Variants in LAMA2 observed in about 807,000 individuals in gnomAD.
LAMA2 encodes laminin subunit alpha-2.
In LAMA2, 269 loss-of-function variants were observed where a neutral mutation model predicts 364.8. That is an observed-to-expected ratio of 0.74 (90% CI 0.67 to 0.82). The LOEUF (loss-of-function observed/expected upper bound fraction) is 0.82. Ranked by LOEUF, LAMA2 falls within the 40% of genes least tolerant of loss-of-function variation. LAMA2 has a pLI of 0.00. For synonymous variants in LAMA2, 1,379 were observed against 1,370.6 expected, an observed-to-expected ratio of 1.01 and a Z score of -0.14; for missense variants, 3,807 against 3,873.2, an observed-to-expected ratio of 0.98 and a Z score of 0.45.
intron 12 of LAMA2, among the ~76,000 whole-genome samples, chr6:129,216,503 A>T (rs562610576): frequency 2.0e-3 from 303 of 152,328 alleles, no homozygotes; most frequent in African/African-American, 6.8e-3. Context: ...AGTAAGTATT[A>T]ATTAATGGTT....
rs772599657 is a variant in LAMA2, at chr6:129,330,599, T to TTTG, written c.4311+2189_4311+2190insGTT. On this transcript the variant is annotated intron_variant, in intron 29 of 64. Coordinates refer to ENST00000421865, the MANE Select transcript of LAMA2 (RefSeq NM_000426.4). Reference sequence around the variant, plus strand: ...TTTTTTTGTTGTTGTTTGGTTTTTGTTTTTTTTTTTTTTTTTCCCACTGTG... The same window carrying TTTG: ...TTTTTTTGTTGTTGTTTGGTTTTTGTTTGTTTTTTTTTTTTTTTTCCCACTGTG... 0.012 allele frequency among the ~76,000 whole-genome samples: 703 copies of TTTG among 58,242 alleles called. 12 individuals carry two copies. The East Asian group carries it at 0.13, about 11-fold the overall frequency. The allele number at this position is 58,242 out of a possible 152,430, so 38.2% of individuals were successfully genotyped here. A position where few individuals can be genotyped will look rare whatever the true frequency, so the allele number is the denominator to read the frequency against.
chr6:129,315,533 A>G lies in LAMA2; in HGVS notation c.3613A>G (p.Thr1205Ala), dbSNP rs35889149. The stretch of plus-strand genomic sequence containing the variant: ...CCTGGTAGATGAGGCTCTGCAGCAC[A>G]CGACCACCAAGGGCATTGTTTTTCA... ...LPLVDEALQH[T>A]TTKGIVFQHP... Residue 1205 changes from threonine (T) to alanine (A), a missense_variant, in exon 25 of 65, where the codon ACG (threonine) becomes GCG (alanine). Coordinates refer to ENST00000421865, the MANE Select transcript of LAMA2 (RefSeq NM_000426.4). 2.2e-3 allele frequency: 3,472 copies of G among 1,614,164 alleles called. 56 individuals are homozygous for G. In the African/African-American group the frequency reaches 0.041, roughly 19 times the overall value.
intron 40 of LAMA2, among the ~76,000 whole-genome samples, chr6:129,413,181 T>C (rs6928963): frequency 0.5 from 76,164 of 151,890 alleles, 19,597 homozygotes; most frequent in African/African-American, 0.62. Context: ...AAAAAGACTT[T>C]AATTTTTTTA....
At chr6:128,918,749 C>A (rs1258909130) in intron 1 of LAMA2, among the ~76,000 whole-genome samples, 1 of 152,158 alleles carries the variant, frequency 6.6e-6, no homozygotes, top group Non-Finnish European at 1.5e-5. Flanking sequence ...TTCCTTAGGG[C>A]AAACAATATG....
intron 61 of LAMA2, 72 bp downstream of exon 61, chr6:129,505,427 A>G (rs768716430): frequency 2.9e-5 from 37 of 1,266,024 alleles, no homozygotes; most frequent in Non-Finnish European, 4.0e-5. Flanking sequence ...TTGACTTATT[A>G]GGTCACATGG....
At chr6:129,217,192 AAAAAAT>A (rs1783482608) in intron 12 of LAMA2, among the ~76,000 whole-genome samples, 1 of 151,700 alleles carries the variant, frequency 6.6e-6, no homozygotes, top group Non-Finnish European at 1.5e-5. Context: ...CATCTCAAAA[AAAAAAT>A]AATAATAATA....
intron 8 of LAMA2, chr6:129,158,829 A>C: frequency 6.2e-7 from 1 of 1,614,084 alleles, no homozygotes; most frequent in Non-Finnish European, 8.5e-7. Flanking sequence ...ATACACCCTG[A>C]AGCTAATGTG....
At chr6:129,189,077 A>G (rs538563679) in intron 10 of LAMA2, among the ~76,000 whole-genome samples, 1 of 152,184 alleles carries the variant, frequency 6.6e-6, no homozygotes, top group Admixed American at 6.5e-5. Context: ...TTATTTTCTC[A>G]GACTATAAAG....
chr6:129,211,460 G>T (rs546998913), intron 12 of LAMA2, among the ~76,000 whole-genome samples: 17 of 152,272 alleles, frequency 1.1e-4, no homozygotes, highest in South Asian at 8.3e-4. Flanking sequence ...ACTCAAATTT[G>T]ATTACCTTAG....
At chr6:128,982,846 G>T (rs1373884730) in intron 1 of LAMA2, among the ~76,000 whole-genome samples, 1 of 146,958 alleles carries the variant, frequency 6.8e-6, no homozygotes, top group Non-Finnish European at 1.5e-5. Context: ...CCACCTATGA[G>T]TGAGAACATG....
intron 1 of LAMA2, among the ~76,000 whole-genome samples, chr6:129,013,945 C>T (rs1376985009): frequency 6.6e-6 from 1 of 152,002 alleles, no homozygotes; most frequent in Non-Finnish European, 1.5e-5. Flanking sequence ...TTTTAGGCAG[C>T]TGGAATCAAT....
chr6:129,326,937 C>CTAA (rs918846028), intron 28 of LAMA2, among the ~76,000 whole-genome samples: 2 of 151,108 alleles, frequency 1.3e-5, no homozygotes, highest in Non-Finnish European at 2.9e-5. Context: ...TATGCTTAAA[C>CTAA]TAATTCTTCA....
chr6:129,239,582 C>A (rs1191096631), intron 12 of LAMA2, among the ~76,000 whole-genome samples: 1 of 152,152 alleles, frequency 6.6e-6, no homozygotes, highest in East Asian at 1.9e-4. Flanking sequence ...ATAGGAATTC[C>A]TTTTCTATCA....
chr6:129,085,633 T>C (rs371442652), intron 3 of LAMA2, among the ~76,000 whole-genome samples: 1 of 152,130 alleles, frequency 6.6e-6, no homozygotes, highest in African/African-American at 2.4e-5. Flanking sequence ...GCAAAACGTA[T>C]TTTTCTGAAG....
intron 7 of LAMA2, among the ~76,000 whole-genome samples, chr6:129,150,126 A>G (rs993117602): frequency 6.6e-6 from 1 of 152,184 alleles, no homozygotes; most frequent in Non-Finnish European, 1.5e-5. Flanking sequence ...ATTATGGATT[A>G]GAAATCTCCC....
chr6:129,321,633 A>T (rs948316495), intron 28 of LAMA2, among the ~76,000 whole-genome samples: 3 of 152,204 alleles, frequency 2.0e-5, no homozygotes, highest in Admixed American at 2.0e-4. Context: ...AATGTTAAGG[A>T]TTCATCACAG....
intron 1 of LAMA2, among the ~76,000 whole-genome samples, chr6:128,913,571 C>T (rs1357314242): frequency 6.6e-6 from 1 of 152,126 alleles, no homozygotes; most frequent in East Asian, 1.9e-4. Context: ...AAAGTGTGTA[C>T]TTGTAGCTTA....
chr6:129,133,032 A>T (rs1391780901), intron 4 of LAMA2, among the ~76,000 whole-genome samples: 1 of 152,200 alleles, frequency 6.6e-6, no homozygotes, highest in Non-Finnish European at 1.5e-5. Flanking sequence ...ACATGCAATC[A>T]CACAAAGTAT....
intron 1 of LAMA2, among the ~76,000 whole-genome samples, chr6:128,926,080 C>T (rs1003611948): frequency 6.6e-6 from 1 of 152,148 alleles, no homozygotes; most frequent in African/African-American, 2.4e-5. Context: ...CTACATATTA[C>T]TTCTAACATT....
Sources: gnomAD v4.1 joint callset for allele counts (sites outside exome capture counted in the v4.1 genomes callset) on GRCh38, gnomAD v4.1.1 for gene constraint, MANE v1.5 for transcripts, NCBI Gene and HGNC (gene_info 2026-07-23, HGNC 2026-07-21) for gene names.